KCNC1: variants seen among roughly 807,000 people sequenced by gnomAD.
KCNC1 encodes voltage-gated potassium channel KCNC1.
Under a neutral mutation model 43.4 loss-of-function variants are expected in KCNC1, and 8 were observed. The ratio of observed to expected loss-of-function variants is 0.18; its 90% CI spans 0.11 to 0.33. KCNC1 has a LOEUF of 0.33. KCNC1 is among the 10% of genes least tolerant of loss of function. KCNC1 has a pLI of 1.00. For missense variants in KCNC1, 420 were observed against 836.0 expected, an observed-to-expected ratio of 0.50 and a Z score of 6.14; for synonymous variants, 361 against 360.5, an observed-to-expected ratio of 1.00 and a Z score of -0.01.
intron 1 of KCNC1, among the ~76,000 whole-genome samples, chr11:17,756,697 C>A (rs892498570): frequency 1.3e-5 from 2 of 152,142 alleles, no homozygotes; most frequent in Non-Finnish European, 2.9e-5. Context: ...TTCTCATCTA[C>A]CAAATGGAAG....
intron 2 of KCNC1, 158 bp downstream of exon 2, chr11:17,772,756 T>A (rs1270646569): frequency 6.7e-7 from 1 of 1,491,528 alleles, no homozygotes; most frequent in Non-Finnish European, 8.9e-7. Context: ...AGGGAGATGC[T>A]GGGCGGCCAA....
At chr11:17,778,401 CT>C (rs141317548) in intron 2 of KCNC1, among the ~76,000 whole-genome samples, 98 of 152,372 alleles carry the variant, frequency 6.4e-4, no homozygotes, top group Middle Eastern at 6.8e-3. Flanking sequence ...CCGCTGTTGT[CT>C]TCTACACATT....
chr11:17,763,078 G>A (rs1400063377), intron 1 of KCNC1, among the ~76,000 whole-genome samples: 1 of 152,196 alleles, frequency 6.6e-6, no homozygotes, highest in Admixed American at 6.5e-5. Flanking sequence ...GCTGTTGTGG[G>A]GGCTCTTTCT....
intron 1 of KCNC1, among the ~76,000 whole-genome samples, chr11:17,745,460 G>A (rs1213816977): frequency 6.6e-6 from 1 of 152,172 alleles, no homozygotes; most frequent in Admixed American, 6.5e-5. Context: ...CCCCGTGGAA[G>A]CCCCTGCCCT....
intron 1 of KCNC1, among the ~76,000 whole-genome samples, chr11:17,747,561 G>C (rs1249145028): frequency 6.6e-6 from 1 of 152,146 alleles, no homozygotes; most frequent in East Asian, 1.9e-4. Context: ...CTAGGGCTGG[G>C]GGCTCCTGTT....
At chr11:17,775,984 G>T (rs1474356108) in intron 2 of KCNC1, 2 of 985,112 alleles carry the variant, frequency 2.0e-6, no homozygotes, top group African/African-American at 1.7e-5. Flanking sequence ...TATCCATGGA[G>T]GGGGGAGGGA....
Position 17,739,128 on chromosome 11 carries a change from G to A in KCNC1, c.570+2556G>A, listed in dbSNP as rs575963420. Among the ~76,000 whole-genome samples, 122 of 151,284 alleles carry A rather than the reference G, an allele frequency of 8.1e-4. No homozygotes were observed. The highest frequency in any genetic ancestry group is 2.4e-3 in the African/African-American group (100 of 41,178). ...CCTCCTCCCCCTCTGTCTTTGCTCT[G>A]CCGCCTCTGCTGTCACCTTTGTTTA... On this transcript the variant is annotated intron_variant, in intron 1 of 3. Coordinates refer to ENST00000265969, the MANE Select transcript of KCNC1 (RefSeq NM_001112741.2). This position sits in a 1 kb window ranked among gnomAD's most constrained non-coding sequence, Gnocchi z 4.2.
rs35211986 is a variant in KCNC1 at position 17,739,362 on chromosome 11, CGTGTGT to C, written c.570+2822_570+2827del. Among the ~76,000 whole-genome samples the C allele has an allele frequency of 2.9e-3, 438 of 149,468 alleles. 1 individual carries two copies. The highest frequency in any genetic ancestry group is 7.2e-3 in the African/African-American group (289 of 40,264). On this transcript the variant is annotated intron_variant, in intron 1 of 3. Transcript: ENST00000265969. The surrounding 1 kb of genome is among the most constrained non-coding windows in gnomAD (Gnocchi z 4.2). The stretch of plus-strand genomic sequence containing the variant: ...GTGAGAATAAATGTGAGACTCCAGG[CGTGTGT>C]GTGTGTGTGTGTGTGTGTGTGTGTG...
Position 17,774,019 on chromosome 11 carries a change from C to G in KCNC1, c.1504+1421C>G, listed in dbSNP as rs141346441. The stretch of plus-strand genomic sequence containing the variant: ...GCGCTCTCTGACCCACCACCCCATC[C>G]CAATCCTCTTCTGGCTTTACCCCAC... On this transcript the variant is annotated intron_variant, in intron 2 of 3. Coordinates refer to ENST00000265969, the MANE Select transcript of KCNC1 (RefSeq NM_001112741.2). 7.3e-5 allele frequency: 72 copies of G among 985,524 alleles called. No homozygotes were observed. The African/African-American group carries it at 1.0e-3, about 14-fold the overall frequency. The allele number at this position is 985,524 out of a possible 1,614,324, so 61.0% of individuals were successfully genotyped here. A position where few individuals can be genotyped will look rare whatever the true frequency, so the allele number is the denominator to read the frequency against.
At chr11:17,737,903 G>T (rs1428376550) in intron 1 of KCNC1, among the ~76,000 whole-genome samples, 1 of 150,526 alleles carries the variant, frequency 6.6e-6, no homozygotes, top group Non-Finnish European at 1.5e-5. Flanking sequence ...GGAGGGAGGA[G>T]ACTTGGGGGG....
chr11:17,762,270 T>C (rs947957640), intron 1 of KCNC1, among the ~76,000 whole-genome samples: 1 of 152,174 alleles, frequency 6.6e-6, no homozygotes, highest in Non-Finnish European at 1.5e-5. Context: ...CCCAGGCACC[T>C]CCCAGCTCAG....
intron 1 of KCNC1, among the ~76,000 whole-genome samples, chr11:17,763,371 A>C (rs1437144353): frequency 1.3e-5 from 2 of 151,952 alleles, no homozygotes; most frequent in Non-Finnish European, 2.9e-5. Context: ...GGCATAGAAA[A>C]TGGTCAGGGC....
At chr11:17,778,038 C>A (rs948257205) in intron 2 of KCNC1, among the ~76,000 whole-genome samples, 2 of 152,170 alleles carry the variant, frequency 1.3e-5, no homozygotes, top group African/African-American at 4.8e-5. Context: ...CTGACGTGGT[C>A]GTGCCCAAGT....
chr11:17,776,132 T>C lies in KCNC1; in HGVS notation c.1505-3324T>C, dbSNP rs867098107. 1.0e-6 allele frequency: 1 copy of C among 985,392 alleles called. No individual in the cohort carries two copies. 61.0% of individuals were successfully genotyped at this position (985,392 alleles called of 1,614,324 possible). A position where few individuals can be genotyped will look rare whatever the true frequency, so the allele number is the denominator to read the frequency against. On this transcript the variant is annotated intron_variant, in intron 2 of 3. Coordinates refer to ENST00000265969, the MANE Select transcript of KCNC1 (RefSeq NM_001112741.2). The surrounding 1 kb of genome is among the most constrained non-coding windows in gnomAD (Gnocchi z 4.4). ...GGCTGTGGGGGAAGTAGCGGAGAAATGAAGTGACGCCAGGGGCCAGGCATG... is the reference window on the plus strand; with the variant it reads ...GGCTGTGGGGGAAGTAGCGGAGAAACGAAGTGACGCCAGGGGCCAGGCATG...
rs1474768981 is a variant in KCNC1, at chr11:17,775,133, GA to G, written c.1504+2536del. On this transcript the variant is annotated intron_variant, in intron 2 of 3. Coordinates refer to ENST00000265969, the MANE Select transcript of KCNC1 (RefSeq NM_001112741.2). ...AATGTGGTGGCCCCACAGGAATTGT[GA>G]GAGATGAGATGCAGCCCCCCAAGGC... is the stretch of plus-strand genomic sequence containing the variant. 9.1e-6 allele frequency: 9 copies of G among 985,628 alleles called. No homozygotes were observed. The South Asian group carries it at 2.3e-4, about 26-fold the overall frequency. 61.1% of individuals were successfully genotyped at this position (985,628 alleles called of 1,614,324 possible). A position where few individuals can be genotyped will look rare whatever the true frequency, so the allele number is the denominator to read the frequency against.
At chr11:17,749,021 C>T (rs1848934345) in intron 1 of KCNC1, among the ~76,000 whole-genome samples, 2 of 152,150 alleles carry the variant, frequency 1.3e-5, no homozygotes, top group South Asian at 4.1e-4. Flanking sequence ...TCACACAGGC[C>T]TCCGTGGTGC....
chr11:17,773,935 G>C lies in KCNC1; in HGVS notation c.1504+1337G>C. The stretch of plus-strand genomic sequence containing the variant: ...GGCTAGCTCAGCCCCAGGTGGGGAA[G>C]TTTCCCCCTGGTTTGGGTGGCCTCC... On this transcript the variant is annotated intron_variant, in intron 2 of 3. Transcript: ENST00000265969. The surrounding 1 kb of genome is among the most constrained non-coding windows in gnomAD (Gnocchi z 4.1). 1 of 985,456 alleles carries C rather than the reference G, an allele frequency of 1.0e-6. No individual in the cohort carries two copies. The highest frequency in any genetic ancestry group is 1.2e-6 in the Non-Finnish European group (1 of 829,964). The allele number at this position is 985,456 out of a possible 1,614,324, so 61.0% of individuals were successfully genotyped here.
chr11:17,765,433 T>C (rs1326625554), intron 1 of KCNC1, among the ~76,000 whole-genome samples: 1 of 152,232 alleles, frequency 6.6e-6, no homozygotes, highest in African/African-American at 2.4e-5. Flanking sequence ...GGGGTGGGGT[T>C]ATGGTAAAAA....
At chr11:17,772,624 G>A (rs1023166655) in intron 2 of KCNC1, 26 bp downstream of exon 2, 10 of 1,604,546 alleles carry the variant, frequency 6.2e-6, no homozygotes, top group Non-Finnish European at 8.5e-6. Flanking sequence ...GAGGCATGTC[G>A]ATCTGACCTT....
Sources: gnomAD v4.1 joint callset for allele counts (sites outside exome capture counted in the v4.1 genomes callset) on GRCh38, gnomAD v4.1.1 for gene constraint, Gnocchi (gnomAD v3.1) non-coding constraint, MANE v1.5 for transcripts, NCBI Gene and HGNC (gene_info 2026-07-23, HGNC 2026-07-21) for gene names.